Variants in NMNAT1 observed in about 807,000 individuals in gnomAD.
NMNAT1 encodes nicotinamide nucleotide adenylyltransferase 1.
In NMNAT1, 11 loss-of-function variants were observed where a neutral mutation model predicts 16.7. The ratio of observed to expected loss-of-function variants is 0.66; its 90% CI spans 0.41 to 1.09. The LOEUF (loss-of-function observed/expected upper bound fraction) is 1.09. Among genes scored for constraint, NMNAT1 ranks in the 50% least tolerant of loss-of-function variants. NMNAT1 has a pLI of 0.00. For missense variants in NMNAT1, 280 were observed against 332.3 expected (o/e 0.84, Z 1.22); for synonymous variants, 110 against 119.8 (o/e 0.92, Z 0.53).
chr1:9,980,709 T>G (rs1465811714), intron 3 of NMNAT1, among the ~76,000 whole-genome samples: 1 of 151,552 alleles, frequency 6.6e-6, no homozygotes, highest in Non-Finnish European at 1.5e-5. Flanking sequence ...CAGGTTGGAG[T>G]GCAGTGGTGC....
Position 9,982,423 on chromosome 1 carries a change from C to T in NMNAT1, c.562C>T (p.Arg188Trp), listed in dbSNP as rs761660596. 5.0e-6 allele frequency: 8 copies of T among 1,613,948 alleles called. No individual in the cohort carries two copies. The highest frequency in any genetic ancestry group is 5.9e-6 in the Non-Finnish European group (7 of 1,180,022). The change falls in exon 5 of 5, where the codon CGG (arginine) becomes TGG (tryptophan). Residue 188 changes from arginine to tryptophan, a missense_variant. Arg to Trp is a moderately radical substitution (Grantham distance 101). Transcript: ENST00000377205. ...VANYGLICVT[R>W]AGNDAQKFIY... ...CAACTATGGGCTCATATGTGTTACTCGGGCTGGAAATGATGCTCAGAAGTT... is the reference window on the plus strand; with the variant it reads ...CAACTATGGGCTCATATGTGTTACTTGGGCTGGAAATGATGCTCAGAAGTT...
downstream of NMNAT1, among the ~76,000 whole-genome samples, chr1:9,987,990 T>C (rs1642065944): frequency 6.6e-6 from 1 of 152,082 alleles, no homozygotes. Flanking sequence ...TGAAGTATGG[T>C]TTTTTTAGTT....
At chr1:9,995,731 A>C in the NMNAT1 span, among the ~76,000 whole-genome samples, 1 of 151,824 alleles carries the variant, frequency 6.6e-6, no homozygotes, top group Non-Finnish European at 1.5e-5. Context: ...AAAAAGAATA[A>C]ATGAAAAAAT....
chr1:9,961,075 G>C (rs956728569), intron 1 of NMNAT1, among the ~76,000 whole-genome samples: 1 of 152,140 alleles, frequency 6.6e-6, no homozygotes, highest in African/African-American at 2.4e-5. Flanking sequence ...TTAACAGTTA[G>C]TGGAACTGTG....
the NMNAT1 span, among the ~76,000 whole-genome samples, chr1:9,996,268 T>C: frequency 7.5e-6 from 1 of 133,254 alleles, no homozygotes; most frequent in South Asian, 2.3e-4. Context: ...CCGAGATCTC[T>C]CCACTGCACT....
At chr1:9,991,793 A>T in the NMNAT1 span, among the ~76,000 whole-genome samples, 1 of 152,158 alleles carries the variant, frequency 6.6e-6, no homozygotes, top group Admixed American at 6.6e-5. Flanking sequence ...GTAAGTGTGT[A>T]TTAGGAGCAT....
Position 9,968,080 on chromosome 1 carries a change from G to GTTTTTTTTTTTTTTTTTTTTTT in NMNAT1, c.-56-3929_-56-3928insTTTTTTTTTTTTTTTTTTTTTT, listed in dbSNP as rs6143117. ...TTTGCCAAATGTAGTTTTTTTTTTT[G>GTTTTTTTTTTTTTTTTTTTTTT]TTTTTTTTTGAGATGGAGTCTCGCT... On this transcript the variant is annotated intron_variant, in intron 1 of 4. Coordinates refer to ENST00000377205, the MANE Select transcript of NMNAT1 (RefSeq NM_022787.4). Among the ~76,000 whole-genome samples the GTTTTTTTTTTTTTTTTTTTTTT allele has an allele frequency of 1.3e-4, 15 of 117,774 alleles. 3 individuals carry two copies. Among genetic ancestry groups the GTTTTTTTTTTTTTTTTTTTTTT allele is most frequent in the Non-Finnish European group, 2.4e-4 (14 of 58,776 alleles). The allele number at this position is 117,774 out of a possible 152,430, so 77.3% of individuals were successfully genotyped here.
At chr1:9,988,345 G>A (rs770851050), downstream of NMNAT1, among the ~76,000 whole-genome samples, 7 of 151,938 alleles carry the variant, frequency 4.6e-5, no homozygotes, top group African/African-American at 1.7e-4. Context: ...AAGCATGTTC[G>A]AAACTGAACC....
intron 1 of NMNAT1, among the ~76,000 whole-genome samples, chr1:9,968,069 T>TTTTTTTTTTG (rs1553126603): frequency 2.9e-4 from 18 of 62,186 alleles, no homozygotes; most frequent in East Asian, 6.1e-4. Context: ...CCAAATGTAG[T>TTTTTTTTTTG]TTTTTTTTTT....
rs1012054918 is a variant in NMNAT1 at position 9,982,880 on chromosome 1, G to A, written c.*179G>A. 7.5e-5 allele frequency: 42 copies of A among 559,200 alleles called. No homozygotes were observed. The African/African-American group carries it at 8.0e-4, about 11-fold the overall frequency. 34.6% of individuals were successfully genotyped at this position (559,200 alleles called of 1,614,324 possible). A position where few individuals can be genotyped will look rare whatever the true frequency, so the allele number is the denominator to read the frequency against. On this transcript the variant is annotated 3_prime_UTR_variant, in exon 5 of 5. Coordinates refer to ENST00000377205, the MANE Select transcript of NMNAT1 (RefSeq NM_022787.4). ...CCCAGCACTTTGGGAGGCTGAGGCA[G>A]GTGGATCACGGGGTCAAGAGATCGA...
At chr1:9,971,778 C>T (rs1641692958) in intron 1 of NMNAT1, among the ~76,000 whole-genome samples, 1 of 151,996 alleles carries the variant, frequency 6.6e-6, no homozygotes, top group Admixed American at 6.6e-5. Flanking sequence ...GCCTGGGCAA[C>T]ATAGCAAGAC....
intron 1 of NMNAT1, among the ~76,000 whole-genome samples, chr1:9,951,054 A>G (rs12026401): frequency 0.17 from 26,396 of 151,044 alleles, 3,526 homozygotes; most frequent in African/African-American, 0.37. Context: ...ACGCCACTGC[A>G]CTCCAGCTTA....
intron 1 of NMNAT1, among the ~76,000 whole-genome samples, chr1:9,948,727 G>T (rs1641035875): frequency 6.6e-6 from 1 of 150,546 alleles, no homozygotes; most frequent in Non-Finnish European, 1.5e-5. Flanking sequence ...TCAGCTCACT[G>T]CAACCTCCGC....
intron 1 of NMNAT1, among the ~76,000 whole-genome samples, chr1:9,966,908 A>C (rs963875920): frequency 6.6e-6 from 1 of 152,172 alleles, no homozygotes; most frequent in African/African-American, 2.4e-5. Context: ...AAGTGCCTTT[A>C]TAATCTTAAA....
intron 1 of NMNAT1, among the ~76,000 whole-genome samples, chr1:9,956,982 G>A (rs1257165514): frequency 2.0e-5 from 3 of 151,322 alleles, no homozygotes; most frequent in Non-Finnish European, 4.4e-5. Flanking sequence ...CACCCGCCTC[G>A]GCCTCCCAAA....
intron 4 of NMNAT1, among the ~76,000 whole-genome samples, chr1:9,981,919 G>A (rs10779734): frequency 0.65 from 97,823 of 151,642 alleles, 36,585 homozygotes; most frequent in Non-Finnish European, 0.84. Flanking sequence ...GCTGGAGTGC[G>A]ATGGCACAAT....
downstream of NMNAT1, among the ~76,000 whole-genome samples, chr1:9,986,611 A>T (rs1335183293): frequency 2.6e-5 from 4 of 152,228 alleles, no homozygotes; most frequent in Admixed American, 1.3e-4. Context: ...GGCTGGGCAC[A>T]GCGGCTCATG....
chr1:9,944,619 G>T (rs958308473), intron 1 of NMNAT1, among the ~76,000 whole-genome samples: 4 of 152,116 alleles, frequency 2.6e-5, no homozygotes, highest in African/African-American at 9.7e-5. Flanking sequence ...GGGCTCAAGC[G>T]ATCCTCTGGC....
At chr1:9,963,220 A>G (rs1226419615) in intron 1 of NMNAT1, among the ~76,000 whole-genome samples, 4 of 152,148 alleles carry the variant, frequency 2.6e-5, no homozygotes, top group South Asian at 2.1e-4. Flanking sequence ...TGTGCCATTC[A>G]CTAGCTTTGT....
Sources: allele counts gnomAD v4.1 joint callset (sites outside exome capture counted in the v4.1 genomes callset), GRCh38; gene constraint gnomAD v4.1.1; transcripts MANE v1.5; gene names NCBI Gene and HGNC (gene_info 2026-07-23, HGNC 2026-07-21).